TENM2: variants seen among roughly 807,000 people sequenced by gnomAD.
TENM2 encodes the protein teneurin-2.
TENM2 carries 52 observed loss-of-function variants against 245.2 expected under a neutral mutation model. The observed-to-expected ratio is 0.21, with a 90% CI of 0.17 to 0.27. The LOEUF (loss-of-function observed/expected upper bound fraction) is 0.27, where lower values mean the gene tolerates loss of function less well. Ranked by LOEUF, TENM2 falls within the 10% of genes least tolerant of loss-of-function variation. The probability of loss-of-function intolerance (pLI) is 1.00; values close to 1 mark genes in which losing one functional copy is unlikely to be tolerated. For missense variants in TENM2, 3,046 were observed against 3,666.8 expected (o/e 0.83, Z 4.37); for synonymous variants, 1,363 against 1,438.9 (o/e 0.95, Z 1.19).
chr5:167,920,340 AG>A (rs369050707), intron 3 of TENM2, among the ~76,000 whole-genome samples: 3,807 of 147,388 alleles, frequency 0.026, 107 homozygotes, highest in East Asian at 0.072. Flanking sequence ...TAAAAAAAAA[AG>A]AAAAAAAAAG....
chr5:167,288,468 G>A (rs6874475), intron 1 of TENM2, among the ~76,000 whole-genome samples: 17,052 of 151,846 alleles, frequency 0.11, 1,491 homozygotes, highest in African/African-American at 0.25. Flanking sequence ...CTGAGGCAGG[G>A]GAATGGCGTG....
intron 3 of TENM2, among the ~76,000 whole-genome samples, chr5:167,928,666 G>C (rs1476837340): frequency 1.3e-5 from 2 of 152,014 alleles, no homozygotes; most frequent in African/African-American, 4.8e-5. Flanking sequence ...GGCCGAGGCA[G>C]GTGGATCACT....
At chr5:167,927,170 G>A (rs1777830841) in intron 3 of TENM2, among the ~76,000 whole-genome samples, 2 of 152,004 alleles carry the variant, frequency 1.3e-5, no homozygotes, top group Non-Finnish European at 1.5e-5. Context: ...TTTGATTTTT[G>A]TTTTGATTTC....
Position 168,218,395 on chromosome 5 carries a change from C to T in TENM2, c.4504C>T (p.Arg1502Cys), listed in dbSNP as rs780494683. 9.9e-6 allele frequency: 16 copies of T among 1,613,902 alleles called. No individual in the cohort carries two copies. Among genetic ancestry groups the T allele is most frequent in the Middle Eastern group, 1.6e-4 (1 of 6,084 alleles). Residue 1502 changes from arginine (R) to cysteine (C), a missense_variant, in exon 23 of 29, where the codon CGC becomes TGC. Around this residue, in one of 2 missense-constraint regions of TENM2, gnomAD observed 2,704 missense variants for 3,331.9 expected, o/e 0.81. Coordinates refer to ENST00000518659, the Ensembl canonical transcript of TENM2. The surrounding 1 kb of genome is among the most constrained non-coding windows in gnomAD (Gnocchi z 5.2). Reference sequence around the variant, plus strand: ...AGATGAGAAGAAGATTAACCGTCTACGCCAGGTAACAACCAACGGGGAGAT... The same window carrying T: ...AGATGAGAAGAAGATTAACCGTCTATGCCAGGTAACAACCAACGGGGAGAT...
intron 2 of TENM2, among the ~76,000 whole-genome samples, chr5:167,808,222 C>A (rs1180904797): frequency 6.6e-6 from 1 of 152,142 alleles, no homozygotes; most frequent in Admixed American, 6.6e-5. Context: ...ATCTGTGAAA[C>A]AACTGATAAT....
intron 2 of TENM2, among the ~76,000 whole-genome samples, chr5:167,710,086 A>C (rs1758805764): frequency 6.6e-6 from 1 of 152,196 alleles, no homozygotes; most frequent in African/African-American, 2.4e-5. Flanking sequence ...ACAAAGGAAG[A>C]AAAAGAAGTA....
intron 2 of TENM2, among the ~76,000 whole-genome samples, chr5:167,529,216 T>A (rs1771328955): frequency 1.3e-5 from 2 of 152,096 alleles, no homozygotes; most frequent in African/African-American, 4.8e-5. Flanking sequence ...ATCTTAAGGT[T>A]GAGAAAAAGC....
At chr5:167,139,117 T>C in the TENM2 span, among the ~76,000 whole-genome samples, 52 of 152,330 alleles carry the variant, frequency 3.4e-4, no homozygotes, top group African/African-American at 1.3e-3. Context: ...TTGGTCACAA[T>C]TGCCACATCA....
chr5:167,326,743 A>G (rs988431641), intron 1 of TENM2, among the ~76,000 whole-genome samples: 2 of 148,964 alleles, frequency 1.3e-5, no homozygotes, highest in Non-Finnish European at 3.0e-5. Context: ...CAAGCCTCCT[A>G]AGTCATGTTC....
intron 2 of TENM2, among the ~76,000 whole-genome samples, chr5:167,384,541 G>A (rs536686824): frequency 4.5e-4 from 68 of 152,308 alleles, no homozygotes; most frequent in Admixed American, 9.8e-4. Flanking sequence ...ATGAATAGAT[G>A]TGTAGCAATC....
the TENM2 span, among the ~76,000 whole-genome samples, chr5:167,252,664 A>G: frequency 2.0e-5 from 3 of 152,100 alleles, no homozygotes; most frequent in African/African-American, 7.2e-5. Context: ...AAAGGAGACT[A>G]TGACATGGAA....
At chr5:167,139,630 G>A in the TENM2 span, among the ~76,000 whole-genome samples, 30 of 152,182 alleles carry the variant, frequency 2.0e-4, no homozygotes, top group Non-Finnish European at 4.1e-4. Context: ...AAAGTCAATC[G>A]TTAGCTAATG....
the TENM2 span, among the ~76,000 whole-genome samples, chr5:167,010,467 A>G: frequency 2.0e-5 from 3 of 152,340 alleles, no homozygotes; most frequent in Admixed American, 6.5e-5. Flanking sequence ...TTGGCATTTT[A>G]ATAAACAGCC....
intron 12 of TENM2, among the ~76,000 whole-genome samples, chr5:168,149,002 G>T (rs954461520): frequency 1.3e-5 from 2 of 152,092 alleles, no homozygotes; most frequent in African/African-American, 2.4e-5. Flanking sequence ...TAAAGAGAAC[G>T]CAAAGGAACT....
chr5:167,868,607 C>T (rs1234527561), intron 2 of TENM2, among the ~76,000 whole-genome samples: 3 of 151,566 alleles, frequency 2.0e-5, no homozygotes, highest in Non-Finnish European at 2.9e-5. Flanking sequence ...CGTGATGGTG[C>T]GTGCCTGTAA....
At position 168,027,780 on chromosome 5, in the gene TENM2, T is replaced by C. The variant is rs548687624; in HGVS notation, c.1187-19647T>C. On this transcript the variant is annotated intron_variant, in intron 5 of 28. Transcript: ENST00000518659. ...AATACATCTCTATATATGTTTTGTT[T>C]ACTGTTTTGCTTTTGTTTCTAGCTT... is the stretch of plus-strand genomic sequence containing the variant. 7.9e-5 allele frequency among the ~76,000 whole-genome samples: 12 copies of C among 152,380 alleles called. No homozygotes were observed. In the South Asian group the frequency reaches 2.5e-3, roughly 32 times the overall value.
At chr5:167,497,014 G>A (rs1017353018) in intron 2 of TENM2, among the ~76,000 whole-genome samples, 1 of 151,012 alleles carries the variant, frequency 6.6e-6, no homozygotes. Flanking sequence ...CTAGGTGGTC[G>A]CATATCTGAA....
At chr5:167,014,022 A>G in the TENM2 span, among the ~76,000 whole-genome samples, 2 of 152,240 alleles carry the variant, frequency 1.3e-5, no homozygotes, top group African/African-American at 4.8e-5. Context: ...TCTTGTCATC[A>G]CCTAAATGAA....
At chr5:167,872,525 AAAG>A (rs1773021681) in intron 2 of TENM2, among the ~76,000 whole-genome samples, 1 of 50,188 alleles carries the variant, frequency 2.0e-5, no homozygotes, top group Non-Finnish European at 5.5e-5. Flanking sequence ...AGAAAGAAAG[AAAG>A]AAAGAAAGAA....
Sources: allele counts gnomAD v4.1 joint callset (sites outside exome capture counted in the v4.1 genomes callset), GRCh38; gene constraint gnomAD v4.1.1; regional missense constraint gnomAD v4.1.1; non-coding constraint Gnocchi (gnomAD v3.1); transcripts MANE v1.5; gene names NCBI Gene and HGNC (gene_info 2026-07-23, HGNC 2026-07-21).